LARGE1: variants seen among roughly 807,000 people sequenced by gnomAD.
The protein encoded by LARGE1 is xylosyl- and glucuronyltransferase LARGE1.
In LARGE1, 43 loss-of-function variants were observed where a neutral mutation model predicts 87.6. The ratio of observed to expected loss-of-function variants is 0.49; its 90% CI spans 0.38 to 0.63. LARGE1 has a LOEUF of 0.63. LARGE1 is among the 30% of genes least tolerant of loss of function. The pLI is 0.00. For missense variants in LARGE1, 802 were observed against 1,000.2 expected, an observed-to-expected ratio of 0.80 and a Z score of 2.67; for synonymous variants, 434 against 394.6, an observed-to-expected ratio of 1.10 and a Z score of -1.18.
chr22:33,660,994 A>T (rs1426055291), intron 2 of LARGE1, among the ~76,000 whole-genome samples: 9 of 152,092 alleles, frequency 5.9e-5, no homozygotes, highest in Admixed American at 5.2e-4. Flanking sequence ...TTACAGTAAA[A>T]ATTTTTAATG....
chr22:33,888,485 G>A (rs1357603733), intron 1 of LARGE1, among the ~76,000 whole-genome samples: 1 of 152,132 alleles, frequency 6.6e-6, no homozygotes, highest in East Asian at 1.9e-4. Context: ...TCATGATAAA[G>A]AATATTTGTA....
chr22:33,667,336 G>C (rs1355614123), intron 2 of LARGE1, among the ~76,000 whole-genome samples: 1 of 152,232 alleles, frequency 6.6e-6, no homozygotes, highest in Non-Finnish European at 1.5e-5. Flanking sequence ...CTAAGTATCT[G>C]ATGGCTTATC....
At chr22:33,176,490 G>C (rs1411725857) in intron 11 of LARGE1, among the ~76,000 whole-genome samples, 1 of 152,066 alleles carries the variant, frequency 6.6e-6, no homozygotes, top group Non-Finnish European at 1.5e-5. Context: ...TCAAAAAGTG[G>C]GCAAAGGATA....
intron 12 of LARGE1, among the ~76,000 whole-genome samples, chr22:33,284,872 G>A (rs193204038): frequency 2.5e-4 from 38 of 152,248 alleles, no homozygotes; most frequent in Admixed American, 1.8e-3. Context: ...ACTGCGCCCG[G>A]CCAGCATGAG....
chr22:33,735,207 C>T (rs5999074), intron 2 of LARGE1, among the ~76,000 whole-genome samples: 2,941 of 152,322 alleles, frequency 0.019, 93 homozygotes, highest in African/African-American at 0.066. Context: ...ATCTGCTTAA[C>T]AAATTCCCAT....
chr22:33,486,530 CAGAGAG>C (rs3831695), intron 6 of LARGE1, among the ~76,000 whole-genome samples: 10 of 150,280 alleles, frequency 6.7e-5, no homozygotes, highest in African/African-American at 2.4e-4. Flanking sequence ...GAGAGAGAGA[CAGAGAG>C]AGAGAGAGAG....
intron 1 of LARGE1, among the ~76,000 whole-genome samples, chr22:33,768,660 T>C (rs1347617141): frequency 2.4e-4 from 36 of 152,180 alleles, no homozygotes; most frequent in Admixed American, 2.4e-3. Flanking sequence ...TCATTTCCTG[T>C]GCATTACTTG....
At chr22:33,514,790 T>G (rs1461018522) in intron 6 of LARGE1, among the ~76,000 whole-genome samples, 1 of 152,136 alleles carries the variant, frequency 6.6e-6, no homozygotes, top group Non-Finnish European at 1.5e-5. Flanking sequence ...CCTATTAAAG[T>G]GAGTCAGAAA....
the LARGE1 span, chr22:33,116,437 C>T: frequency 6.6e-6 from 1 of 152,144 alleles, no homozygotes; most frequent in African/African-American, 2.4e-5. Flanking sequence ...TCACTGCAAG[C>T]TCCGCCTCCC....
chr22:33,168,452 G>T (rs552486084), intron 11 of LARGE1, among the ~76,000 whole-genome samples: 1 of 152,298 alleles, frequency 6.6e-6, no homozygotes, highest in Admixed American at 6.5e-5. Flanking sequence ...ACCATTTTCA[G>T]TACCAGAAGT....
Position 33,571,608 on chromosome 22 carries a change from A to T in LARGE1, c.616-6589T>A, listed in dbSNP as rs573792834. Among the ~76,000 whole-genome samples, 15 of 152,316 alleles carry T rather than the reference A, an allele frequency of 9.8e-5. No individual in the cohort carries two copies. In the South Asian group the frequency reaches 3.1e-3, roughly 32 times the overall value. On this transcript the variant is annotated intron_variant, in intron 5 of 14. Transcript: ENST00000397394. ...AGATGTGGATTTCCAGGAGTCATTG[A>T]GATACCCCAGTAAAGATAATAATAG...
At chr22:33,358,874 T>C (rs146620580) in intron 9 of LARGE1, among the ~76,000 whole-genome samples, 11,496 of 151,992 alleles carry the variant, frequency 0.076, 516 homozygotes, top group South Asian at 0.14. Context: ...GGCAGGCACC[T>C]GTAGTCCCAG....
intron 11 of LARGE1, among the ~76,000 whole-genome samples, chr22:33,190,173 G>T (rs5998794): frequency 0.23 from 34,894 of 151,938 alleles, 4,237 homozygotes; most frequent in Middle Eastern, 0.35. Flanking sequence ...CAGCTCAATA[G>T]TGCTGGGGGG....
intron 2 of LARGE1, among the ~76,000 whole-genome samples, chr22:33,758,457 G>A (rs5999089): frequency 0.051 from 7,712 of 152,242 alleles, 232 homozygotes; most frequent in Middle Eastern, 0.085. Flanking sequence ...CTAAAATACT[G>A]TGTTAACATG....
intron 9 of LARGE1, among the ~76,000 whole-genome samples, chr22:33,340,900 G>C (rs1265568627): frequency 6.6e-6 from 1 of 151,858 alleles, no homozygotes; most frequent in Non-Finnish European, 1.5e-5. Flanking sequence ...CCTATACACT[G>C]TGGAGGACAG....
Position 33,730,603 on chromosome 22 carries a change from T to C in LARGE1, c.106+30768A>G, listed in dbSNP as rs114450768. Among the ~76,000 whole-genome samples the C allele has an allele frequency of 6.6e-3, 998 of 152,324 alleles. 7 individuals carry two copies. The highest frequency in any genetic ancestry group is 0.021 in the African/African-American group (858 of 41,580). ...TAATATGACTGTATTATACAACATA[T>C]TAAAAAGTGGTAAGGAGAAAAATTA... On this transcript the variant is annotated intron_variant, in intron 2 of 14. Transcript: ENST00000397394.
At chr22:33,613,604 T>C (rs896678618) in intron 4 of LARGE1, among the ~76,000 whole-genome samples, 8 of 152,302 alleles carry the variant, frequency 5.3e-5, no homozygotes, top group South Asian at 2.1e-4. Context: ...GAGATTCTCC[T>C]GCCTCAGCCT....
At chr22:33,641,750 G>T (rs529690406) in intron 3 of LARGE1, among the ~76,000 whole-genome samples, 17 of 152,184 alleles carry the variant, frequency 1.1e-4, no homozygotes, top group Admixed American at 7.9e-4. Context: ...CACAAGTATC[G>T]ATAGCCGAAT....
chr22:33,277,362 G>C, intron 13 of LARGE1, 107 bp from the exon 14 acceptor site: 3 of 1,040,614 alleles, frequency 2.9e-6, no homozygotes, highest in Non-Finnish European at 4.3e-6. Context: ...GTCCTCGGGT[G>C]AGTTGAACTG....
Sources: allele counts gnomAD v4.1 joint callset (sites outside exome capture counted in the v4.1 genomes callset), GRCh38; gene constraint gnomAD v4.1.1; transcripts MANE v1.5; gene names NCBI Gene and HGNC (gene_info 2026-07-23, HGNC 2026-07-21).